The following NTM variants were observed in gnomAD, a reference collection of about 807,000 sequenced individuals.
The protein encoded by NTM is neurotrimin, also known as IgLON family member 2.
NTM carries 13 observed loss-of-function variants against 42.1 expected under a neutral mutation model. That is an observed-to-expected ratio of 0.31 (90% confidence interval 0.20 to 0.49). NTM has a LOEUF of 0.49. Ranked by LOEUF, NTM falls within the 20% of genes least tolerant of loss-of-function variation. The pLI, the probability that NTM is intolerant of heterozygous loss-of-function variation, is 0.99. For synonymous variants in NTM, 187 were observed against 179.2 expected (o/e 1.04, Z -0.35); for missense variants, 373 against 452.8 (o/e 0.82, Z 1.60).
chr11:131,538,335 A>T (rs1375071859), intron 1 of NTM: 1 of 152,134 alleles, frequency 6.6e-6, no homozygotes, highest in East Asian at 1.9e-4. Context: ...TCAAAGTCAC[A>T]TACCTAGTTA....
intron 1 of NTM, among the ~76,000 whole-genome samples, chr11:131,888,298 C>T (rs1431508129): frequency 6.6e-6 from 1 of 151,994 alleles, no homozygotes; most frequent in South Asian, 2.1e-4. Flanking sequence ...GAGACTCGAT[C>T]TCAAAAAAAC....
intron 3 of NTM, among the ~76,000 whole-genome samples, chr11:132,210,958 A>G (rs577038547): frequency 6.6e-6 from 1 of 150,724 alleles, no homozygotes; most frequent in East Asian, 1.9e-4. Context: ...AAGGTGGGGG[A>G]GAGAGAGAGA....
At chr11:132,164,724 C>G (rs1341299351) in intron 3 of NTM, among the ~76,000 whole-genome samples, 1 of 152,154 alleles carries the variant, frequency 6.6e-6, no homozygotes, top group Admixed American at 6.5e-5. Flanking sequence ...AATCTCATCA[C>G]TAAGACAGAT....
intron 1 of NTM, among the ~76,000 whole-genome samples, chr11:131,518,811 A>G (rs2049219885): frequency 6.6e-6 from 1 of 152,194 alleles, no homozygotes; most frequent in Non-Finnish European, 1.5e-5. Flanking sequence ...ATGCTACTAA[A>G]TGAGTAAGTG....
intron 1 of NTM, among the ~76,000 whole-genome samples, chr11:131,542,784 G>A (rs1160188525): frequency 6.6e-6 from 1 of 152,156 alleles, no homozygotes; most frequent in Non-Finnish European, 1.5e-5. Flanking sequence ...GGGAGGGAAG[G>A]AAGAAAGAGC....
intron 2 of NTM, among the ~76,000 whole-genome samples, chr11:131,920,049 G>A (rs1006789404): frequency 1.3e-5 from 2 of 152,282 alleles, no homozygotes; most frequent in East Asian, 1.9e-4. Flanking sequence ...TTGTTGCATA[G>A]CAGGTTGTGA....
chr11:131,823,443 G>A (rs938676543), intron 1 of NTM, among the ~76,000 whole-genome samples: 4 of 152,166 alleles, frequency 2.6e-5, no homozygotes, highest in Admixed American at 2.0e-4. Context: ...GCCCACCAGA[G>A]ACGCGGCTCA....
At chr11:131,891,271 G>A (rs896961340) in intron 1 of NTM, among the ~76,000 whole-genome samples, 3 of 152,148 alleles carry the variant, frequency 2.0e-5, no homozygotes, top group Non-Finnish European at 4.4e-5. Context: ...TTCTCACTGG[G>A]ACGACCAAAA....
At chr11:131,978,848 T>G (rs147326631) in intron 2 of NTM, among the ~76,000 whole-genome samples, 1 of 152,262 alleles carries the variant, frequency 6.6e-6, no homozygotes, top group African/African-American at 2.4e-5. Context: ...TTAACCTGGT[T>G]TTTCACCTGC....
At chr11:131,531,669 C>A (rs1181818080) in intron 1 of NTM, among the ~76,000 whole-genome samples, 1 of 152,042 alleles carries the variant, frequency 6.6e-6, no homozygotes, top group East Asian at 1.9e-4. Flanking sequence ...AAATATTTAT[C>A]GAATTTCTAC....
At chr11:131,705,272 C>A (rs1162495093) in intron 1 of NTM, among the ~76,000 whole-genome samples, 2 of 152,136 alleles carry the variant, frequency 1.3e-5, no homozygotes, top group Non-Finnish European at 2.9e-5. Context: ...GTAGGACTAT[C>A]AGCAGATTTC....
intron 1 of NTM, among the ~76,000 whole-genome samples, chr11:131,810,547 A>G (rs1387594441): frequency 6.6e-6 from 1 of 152,084 alleles, no homozygotes; most frequent in East Asian, 1.9e-4. Context: ...GCAGGTGGGC[A>G]GGTACCATGC....
At chr11:131,968,448 A>G (rs1397212975) in intron 2 of NTM, among the ~76,000 whole-genome samples, 1 of 152,164 alleles carries the variant, frequency 6.6e-6, no homozygotes, top group African/African-American at 2.4e-5. Flanking sequence ...AAACATATTA[A>G]GGTTAAAGAG....
intron 1 of NTM, among the ~76,000 whole-genome samples, chr11:131,848,398 G>A (rs2045172423): frequency 6.6e-6 from 1 of 152,130 alleles, no homozygotes; most frequent in African/African-American, 2.4e-5. Flanking sequence ...CAGCCATTTG[G>A]AATGCTTTTC....
In NTM at chr11:131,683,230, C is replaced by T. The variant is rs560260572; in HGVS notation, c.83-228334C>T. Among the ~76,000 whole-genome samples, 254 of 152,326 alleles carry T rather than the reference C, an allele frequency of 1.7e-3. 1 individual carries two copies. Among genetic ancestry groups the T allele is most frequent in the Non-Finnish European group, 2.9e-3 (198 of 68,040 alleles). ...CTCCCTGGCAGAGCATCACTCTCCG[C>T]GCTTCAGCAGCCCCTGGCTTTGTTT... On this transcript the variant is annotated intron_variant, in intron 1 of 8. Transcript: ENST00000683400.
chr11:131,735,750 G>A (rs1212584714), intron 1 of NTM, among the ~76,000 whole-genome samples: 2 of 151,896 alleles, frequency 1.3e-5, no homozygotes, highest in African/African-American at 2.4e-5. Flanking sequence ...AGCAAAGATC[G>A]ATGTGTCCAG....
At chr11:131,667,673 C>T (rs556393795) in intron 1 of NTM, among the ~76,000 whole-genome samples, 66 of 152,322 alleles carry the variant, frequency 4.3e-4, no homozygotes, top group African/African-American at 1.5e-3. Flanking sequence ...CTTCTCTCAA[C>T]AGGAATAGCC....
chr11:131,839,911 A>G (rs1295718719), intron 1 of NTM, among the ~76,000 whole-genome samples: 2 of 152,198 alleles, frequency 1.3e-5, no homozygotes, highest in Non-Finnish European at 2.9e-5. Flanking sequence ...TGACTTCCAA[A>G]AGTACTGCAA....
chr11:132,108,044 C>G (rs2062638415), intron 2 of NTM, among the ~76,000 whole-genome samples: 1 of 152,168 alleles, frequency 6.6e-6, no homozygotes, highest in Admixed American at 6.5e-5. Context: ...ATGATGCCTA[C>G]TCCTTCTCAA....
Sources: gnomAD v4.1 joint callset for allele counts (sites outside exome capture counted in the v4.1 genomes callset) on GRCh38, gnomAD v4.1.1 for gene constraint, MANE v1.5 for transcripts, NCBI Gene and HGNC (gene_info 2026-07-23, HGNC 2026-07-21) for gene names.